Variants in FDX1 observed in about 807,000 individuals in gnomAD.
The protein encoded by FDX1 is adrenodoxin, mitochondrial.
A neutral mutation model predicts 14.9 loss-of-function variants in FDX1; 9 were observed. That is an observed-to-expected ratio of 0.60 (90% CI 0.36 to 1.05). The LOEUF (loss-of-function observed/expected upper bound fraction) is 1.05, where lower values mean the gene tolerates loss of function less well. Ranked by LOEUF, FDX1 falls within the 50% of genes least tolerant of loss-of-function variation. The pLI, the probability that FDX1 is intolerant of heterozygous loss-of-function variation, is 0.01. For missense variants in FDX1, 204 were observed against 237.2 expected, an observed-to-expected ratio of 0.86 and a Z score of 0.92; for synonymous variants, 92 against 99.4, an observed-to-expected ratio of 0.93 and a Z score of 0.44.
intron 2 of FDX1, among the ~76,000 whole-genome samples, chr11:110,444,719 T>C (rs1401592817): frequency 3.0e-5 from 2 of 65,718 alleles, no homozygotes; most frequent in African/African-American, 1.4e-4. Context: ...TATATATATA[T>C]ATACGTATAT....
chr11:110,450,938 A>G (rs1431817674), intron 2 of FDX1, among the ~76,000 whole-genome samples: 2 of 152,174 alleles, frequency 1.3e-5, no homozygotes, highest in Non-Finnish European at 2.9e-5. Context: ...GGGGCTGTGT[A>G]TATAATAAGT....
At chr11:110,440,578 A>G (rs1313663210) in intron 2 of FDX1, among the ~76,000 whole-genome samples, 2 of 152,192 alleles carry the variant, frequency 1.3e-5, no homozygotes, top group African/African-American at 4.8e-5. Context: ...GTTTGTGTGC[A>G]TTGGAAGTTG....
intron 3 of FDX1, among the ~76,000 whole-genome samples, chr11:110,459,187 C>T (rs968807245): frequency 1.3e-5 from 2 of 152,146 alleles, no homozygotes; most frequent in African/African-American, 4.8e-5. Flanking sequence ...CATGGGTAAT[C>T]TACACAGAGG....
chr11:110,433,963 TAATAAG>T (rs776416717), intron 1 of FDX1, among the ~76,000 whole-genome samples: 24 of 152,254 alleles, frequency 1.6e-4, no homozygotes, highest in Non-Finnish European at 3.2e-4. Flanking sequence ...CTACTGGTAG[TAATAAG>T]AATAACAACT....
At position 110,444,681 on chromosome 11, in the gene FDX1, TATAC is replaced by T. The variant is rs1257247342; in HGVS notation, c.310+8725_310+8728del. On this transcript the variant is annotated intron_variant, in intron 2 of 3. Transcript: ENST00000260270. The stretch of plus-strand genomic sequence containing the variant: ...ATATATATACGTATATATATATATA[TATAC>T]ACGTATATATATATATATACGTATA... Among the ~76,000 whole-genome samples the T allele has an allele frequency of 9.0e-4, 66 of 73,164 alleles. 5 individuals are homozygous for T. The highest frequency in any genetic ancestry group is 3.5e-3 in the African/African-American group (52 of 14,976). 48.0% of individuals were successfully genotyped at this position (73,164 alleles called of 152,430 possible).
At chr11:110,443,839 T>C (rs1946420962) in intron 2 of FDX1, among the ~76,000 whole-genome samples, 1 of 152,068 alleles carries the variant, frequency 6.6e-6, no homozygotes, top group Non-Finnish European at 1.5e-5. Flanking sequence ...AGCATTTTTT[T>C]CATGTTTGTT....
In FDX1 at chr11:110,444,663, TACGTATATATATATATATATACAC is replaced by T. The variant is rs1565381770; in HGVS notation, c.310+8706_310+8729del. ...GTGTGTGTGTGTGTATATATATATA[TACGTATATATATATATATATACAC>T]GTATATATATATATATACGTATATA... On this transcript the variant is annotated intron_variant, in intron 2 of 3. Transcript: ENST00000260270. 8.2e-4 allele frequency among the ~76,000 whole-genome samples: 56 copies of T among 68,680 alleles called. 4 individuals carry two copies. Among genetic ancestry groups the T allele is most frequent in the African/African-American group, 3.6e-3 (48 of 13,386 alleles). The allele number at this position is 68,680 out of a possible 152,430, so 45.1% of individuals were successfully genotyped here.
chr11:110,461,340 A>G (rs2134695274), intron 3 of FDX1, among the ~76,000 whole-genome samples: 1 of 152,072 alleles, frequency 6.6e-6, no homozygotes, highest in South Asian at 2.1e-4. Context: ...TACAAAAAAT[A>G]CAAAAATTAT....
chr11:110,454,648 GATA>G (rs982600270), intron 2 of FDX1, among the ~76,000 whole-genome samples: 4 of 151,946 alleles, frequency 2.6e-5, no homozygotes, highest in African/African-American at 4.8e-5. Context: ...TGTAACTTTG[GATA>G]ATAATAATAA....
intron 1 of FDX1, among the ~76,000 whole-genome samples, chr11:110,433,222 C>T (rs1946342486): frequency 6.6e-6 from 1 of 152,214 alleles, no homozygotes; most frequent in African/African-American, 2.4e-5. Context: ...ACCAGGCATT[C>T]GTTGATGTCA....
intron 2 of FDX1, among the ~76,000 whole-genome samples, chr11:110,451,197 G>A (rs766003048): frequency 2.0e-5 from 3 of 151,062 alleles, no homozygotes; most frequent in Non-Finnish European, 4.4e-5. Flanking sequence ...CAGGTCAGCT[G>A]CTTGTTATTT....
intron 1 of FDX1, among the ~76,000 whole-genome samples, chr11:110,434,433 T>G: frequency 6.8e-6 from 1 of 147,766 alleles, no homozygotes; most frequent in Non-Finnish European, 1.5e-5. Context: ...GCCTTCCGGG[T>G]TCAAGCGATT....
intron 1 of FDX1, among the ~76,000 whole-genome samples, chr11:110,434,730 T>TTTG (rs1565379245): frequency 1.5e-5 from 2 of 131,092 alleles, no homozygotes; most frequent in Admixed American, 7.2e-5. Flanking sequence ...TTTTTGTTTT[T>TTTG]TTTTTTTTTT....
At chr11:110,440,546 A>G (rs891962124) in intron 2 of FDX1, among the ~76,000 whole-genome samples, 2 of 152,216 alleles carry the variant, frequency 1.3e-5, no homozygotes, top group Admixed American at 1.3e-4. Flanking sequence ...GATCTTTGAC[A>G]GAATGGGTAA....
intron 1 of FDX1, among the ~76,000 whole-genome samples, chr11:110,432,961 A>C (rs376475231): frequency 5.3e-5 from 8 of 152,238 alleles, no homozygotes; most frequent in African/African-American, 1.9e-4. Context: ...CTTGGTCTTT[A>C]AATAACAGTT....
chr11:110,430,320 G>C lies in FDX1; in HGVS notation c.185+15G>C, dbSNP rs762228607. 7.1e-4 allele frequency: 850 copies of C among 1,189,078 alleles called. 1 individual carries two copies. Among genetic ancestry groups the C allele is most frequent in the Non-Finnish European group, 8.6e-4 (823 of 959,982 alleles). 73.7% of individuals were successfully genotyped at this position (1,189,078 alleles called of 1,614,324 possible). On this transcript the variant is annotated intron_variant, in intron 1 of 3. Transcript: ENST00000260270. ...GCCCGGAGCAGGTAGGGCGCCGTGC[G>C]GGCGCGATCGCCGGCGCGGGCCGGG...
intron 2 of FDX1, among the ~76,000 whole-genome samples, chr11:110,443,529 C>T (rs1946419504): frequency 6.6e-6 from 1 of 151,454 alleles, no homozygotes; most frequent in Admixed American, 6.6e-5. Context: ...CAACCTCTGC[C>T]TCCCTGGTTC....
Position 110,430,200 on chromosome 11 carries a change from A to ACGCTGGGTCCCG in FDX1, c.87_98dup (p.Arg31_Ser34dup), listed in dbSNP as rs1946320458. 1 of 1,222,694 alleles carries ACGCTGGGTCCCG rather than the reference A, an allele frequency of 8.2e-7. No individual in the cohort carries two copies. Among genetic ancestry groups the ACGCTGGGTCCCG allele is most frequent in the East Asian group, 3.3e-5 (1 of 29,880 alleles). 75.7% of individuals were successfully genotyped at this position (1,222,694 alleles called of 1,614,324 possible). On this transcript the variant is annotated inframe_insertion, in exon 1 of 4. Coordinates refer to ENST00000260270, the MANE Select transcript of FDX1 (RefSeq NM_004109.5). ...GGCCCGGCCGGCCGGTGGCTGCACC[A>ACGCTGGGTCCCG]CGCTGGGTCCCGCGCTGGATCCAGC...
intron 1 of FDX1, among the ~76,000 whole-genome samples, chr11:110,434,386 G>A (rs1462685649): frequency 6.8e-6 from 1 of 146,654 alleles, no homozygotes; most frequent in African/African-American, 2.5e-5. Context: ...ACCCGGGCTG[G>A]AGTGCAGTGG....
Sources: gnomAD v4.1 joint callset for allele counts (sites outside exome capture counted in the v4.1 genomes callset) on GRCh38, gnomAD v4.1.1 for gene constraint, MANE v1.5 for transcripts, NCBI Gene and HGNC (gene_info 2026-07-23, HGNC 2026-07-21) for gene names.